Variants in CADPS2 observed in about 807,000 individuals in gnomAD.
CADPS2 encodes calcium dependent secretion activator 2, also known as calcium-dependent secretion activator 2.
CADPS2 carries 93 observed loss-of-function variants against 172.5 expected under a neutral mutation model. The ratio of observed to expected loss-of-function variants is 0.54; its 90% CI spans 0.46 to 0.64. CADPS2 has a LOEUF of 0.64. CADPS2 is among the 30% of genes least tolerant of loss of function. The probability of loss-of-function intolerance (pLI) is 0.00; values close to 1 mark genes in which losing one functional copy is unlikely to be tolerated. For synonymous variants in CADPS2, 546 were observed against 555.2 expected, an observed-to-expected ratio of 0.98 and a Z score of 0.23; for missense variants, 1,420 against 1,565.9, an observed-to-expected ratio of 0.91 and a Z score of 1.57.
At position 122,560,021 on chromosome 7, in the gene CADPS2, T is replaced by C. The variant is rs1369117793; in HGVS notation, c.1336-5332A>G. Among the ~76,000 whole-genome samples, 6 of 152,134 alleles carry C rather than the reference T, an allele frequency of 3.9e-5. No homozygotes were observed. The East Asian group carries it at 7.8e-4, about 20-fold the overall frequency. ...GCACATTGTTGGGTCTGAAAGGCTA[T>C]TGCCTGGTTAAAAAAGAGAGAGGTG... On this transcript the variant is annotated intron_variant, in intron 7 of 29. Transcript: ENST00000449022.
intron 7 of CADPS2, among the ~76,000 whole-genome samples, chr7:122,578,548 T>G (rs2068356550): frequency 6.6e-6 from 1 of 152,058 alleles, no homozygotes; most frequent in African/African-American, 2.4e-5. Context: ...ACCCCTGGGG[T>G]TTCTGACTCA....
chr7:122,341,628 A>G (rs1388089708), intron 28 of CADPS2, among the ~76,000 whole-genome samples: 1 of 152,180 alleles, frequency 6.6e-6, no homozygotes, highest in African/African-American at 2.4e-5. Context: ...TAAGGTAGAG[A>G]GAGCATAGAC....
At chr7:122,346,717 T>C (rs1163369540) in intron 27 of CADPS2, among the ~76,000 whole-genome samples, 2 of 152,216 alleles carry the variant, frequency 1.3e-5, no homozygotes, top group African/African-American at 4.8e-5. Context: ...TGTCTTCTAA[T>C]AGTAGAGGAG....
At chr7:122,600,327 A>G (rs550996643) in intron 6 of CADPS2, among the ~76,000 whole-genome samples, 1 of 152,274 alleles carries the variant, frequency 6.6e-6, no homozygotes, top group Admixed American at 6.5e-5. Context: ...GTGGGAAAAC[A>G]GCAAAGGTCA....
chr7:122,423,873 G>C (rs151327353), intron 17 of CADPS2, among the ~76,000 whole-genome samples: 1 of 152,058 alleles, frequency 6.6e-6, no homozygotes, highest in Non-Finnish European at 1.5e-5. Flanking sequence ...AATGCACTTC[G>C]AGAACTACCA....
chr7:122,634,495 A>G (rs1340303433), intron 3 of CADPS2, among the ~76,000 whole-genome samples: 1 of 151,862 alleles, frequency 6.6e-6, no homozygotes, highest in Non-Finnish European at 1.5e-5. Flanking sequence ...ATCTTTTTTT[A>G]TATTTCTTTG....
intron 7 of CADPS2, among the ~76,000 whole-genome samples, chr7:122,566,165 G>A (rs1406080322): frequency 6.6e-6 from 1 of 152,030 alleles, no homozygotes. Context: ...GCTCAACATC[G>A]CTAATCATCA....
At chr7:122,494,770 T>C (rs1365493101) in intron 9 of CADPS2, among the ~76,000 whole-genome samples, 1 of 152,104 alleles carries the variant, frequency 6.6e-6, no homozygotes, top group Non-Finnish European at 1.5e-5. Flanking sequence ...TTGTGGTTCT[T>C]GCTACACTAA....
chr7:122,333,953 T>C (rs1463338395), intron 28 of CADPS2, among the ~76,000 whole-genome samples: 1 of 151,600 alleles, frequency 6.6e-6, no homozygotes, highest in African/African-American at 2.4e-5. Flanking sequence ...AAAGGACAGA[T>C]GAATACCAGA....
At chr7:122,790,805 G>A (rs1377697819) in intron 1 of CADPS2, among the ~76,000 whole-genome samples, 1 of 152,016 alleles carries the variant, frequency 6.6e-6, no homozygotes, top group Non-Finnish European at 1.5e-5. Context: ...TCTACCACTT[G>A]AAAATTCACA....
chr7:122,628,774 C>T (rs1359908298), intron 4 of CADPS2, among the ~76,000 whole-genome samples: 2 of 144,334 alleles, frequency 1.4e-5, no homozygotes, highest in Admixed American at 1.4e-4. Flanking sequence ...CTTCATCTGC[C>T]AGATTGCATA....
intron 1 of CADPS2, among the ~76,000 whole-genome samples, chr7:122,743,728 A>G (rs1002947782): frequency 2.6e-5 from 4 of 152,218 alleles, no homozygotes; most frequent in African/African-American, 9.6e-5. Context: ...TGTCAATTAA[A>G]GAAAGATATT....
chr7:122,688,059 C>T (rs1243417544), intron 2 of CADPS2, among the ~76,000 whole-genome samples: 1 of 152,208 alleles, frequency 6.6e-6, no homozygotes, highest in Non-Finnish European at 1.5e-5. Context: ...TTTTCCATCT[C>T]ACTGAATGTC....
chr7:122,634,184 T>C (rs529240338), intron 3 of CADPS2, among the ~76,000 whole-genome samples: 1 of 152,278 alleles, frequency 6.6e-6, no homozygotes, highest in African/African-American at 2.4e-5. Context: ...AATGCTGGCT[T>C]TGTAGGATGA....
At chr7:122,463,938 G>A (rs897537297) in intron 14 of CADPS2, among the ~76,000 whole-genome samples, 3 of 152,162 alleles carry the variant, frequency 2.0e-5, no homozygotes, top group African/African-American at 4.8e-5. Context: ...GGAGACGTCA[G>A]TATGAACTCA....
At chr7:122,750,631 T>C (rs1416417360) in intron 1 of CADPS2, among the ~76,000 whole-genome samples, 2 of 152,150 alleles carry the variant, frequency 1.3e-5, no homozygotes, top group East Asian at 3.9e-4. Flanking sequence ...TCCTGTGCAA[T>C]ACTAAAACCA....
rs547107431 is a variant in CADPS2, at chr7:122,742,309, C to T, written c.340-5241G>A. On this transcript the variant is annotated intron_variant, in intron 1 of 29. Transcript: ENST00000449022. ...ACTTGGGAGGCTGAGGCAGGAGAAT[C>T]GCTTGAACCCGAGAGGCAGAGGTTG... is the stretch of plus-strand genomic sequence containing the variant. 1.2e-4 allele frequency among the ~76,000 whole-genome samples: 18 copies of T among 151,710 alleles called. No individual in the cohort carries two copies. In the South Asian group the frequency reaches 3.8e-3, roughly 32 times the overall value.
intron 1 of CADPS2, among the ~76,000 whole-genome samples, chr7:122,773,257 C>T (rs559116236): frequency 6.6e-6 from 1 of 151,976 alleles, no homozygotes; most frequent in East Asian, 1.9e-4. Flanking sequence ...ATCATGGAAA[C>T]TGGTAGAGCA....
chr7:122,746,527 A>C (rs1455047324), intron 1 of CADPS2, among the ~76,000 whole-genome samples: 1 of 152,110 alleles, frequency 6.6e-6, no homozygotes. Flanking sequence ...AGGGGTGTCC[A>C]ATCTTTTGGC....
Sources: allele counts gnomAD v4.1 joint callset (sites outside exome capture counted in the v4.1 genomes callset), GRCh38; gene constraint gnomAD v4.1.1; transcripts MANE v1.5; gene names NCBI Gene and HGNC (gene_info 2026-07-23, HGNC 2026-07-21).